OPCML: variants seen among roughly 807,000 people sequenced by gnomAD.
OPCML encodes the protein opioid-binding protein/cell adhesion molecule.
A neutral mutation model predicts 37.8 loss-of-function variants in OPCML; 13 were observed. The observed-to-expected ratio is 0.34, with a 90% CI of 0.22 to 0.55. The LOEUF (loss-of-function observed/expected upper bound fraction) is 0.55, where lower values mean the gene tolerates loss of function less well. OPCML is among the 20% of genes least tolerant of loss of function. The pLI, the probability that OPCML is intolerant of heterozygous loss-of-function variation, is 0.91. For synonymous variants in OPCML, 176 were observed against 168.8 expected, an observed-to-expected ratio of 1.04 and a Z score of -0.33; for missense variants, 341 against 435.6, an observed-to-expected ratio of 0.78 and a Z score of 1.93.
At chr11:133,468,181 T>C (rs1169362294) in intron 1 of OPCML, among the ~76,000 whole-genome samples, 2 of 152,196 alleles carry the variant, frequency 1.3e-5, no homozygotes, top group Non-Finnish European at 2.9e-5. Context: ...TTGATGGCAA[T>C]GGCACGGTTT....
At chr11:133,122,605 T>C (rs972474201) in intron 1 of OPCML, among the ~76,000 whole-genome samples, 1 of 152,108 alleles carries the variant, frequency 6.6e-6, no homozygotes. Flanking sequence ...GTGGGGAGCA[T>C]GGAGAGTGTG....
intron 1 of OPCML, among the ~76,000 whole-genome samples, chr11:133,142,828 G>A (rs1187208623): frequency 6.6e-6 from 1 of 152,034 alleles, no homozygotes; most frequent in Non-Finnish European, 1.5e-5. Flanking sequence ...TTCCCCAAGT[G>A]CAAGGACTAT....
intron 2 of OPCML, among the ~76,000 whole-genome samples, chr11:132,838,406 T>C (rs2098246204): frequency 6.6e-6 from 1 of 152,176 alleles, no homozygotes; most frequent in African/African-American, 2.4e-5. Context: ...TTAAGAAAAG[T>C]AGTTCCAAAA....
intron 1 of OPCML, among the ~76,000 whole-genome samples, chr11:133,465,127 C>G (rs769502081): frequency 6.6e-5 from 10 of 152,186 alleles, no homozygotes; most frequent in Non-Finnish European, 1.3e-4. Flanking sequence ...GTCAGCAGAA[C>G]TTAATTCCTT....
chr11:133,295,594 A>G (rs1207164646), intron 1 of OPCML, among the ~76,000 whole-genome samples: 1 of 152,232 alleles, frequency 6.6e-6, no homozygotes, highest in East Asian at 1.9e-4. Flanking sequence ...ATTTTTTTCA[A>G]GTAAAAGCAA....
chr11:132,583,642 G>A (rs899968009), intron 3 of OPCML, among the ~76,000 whole-genome samples: 2 of 151,904 alleles, frequency 1.3e-5, no homozygotes, highest in Non-Finnish European at 2.9e-5. Flanking sequence ...TTGAAAGAGA[G>A]TTTTGCTCTT....
In OPCML at chr11:132,908,626, C is replaced by G. The variant is rs189737332; in HGVS notation, c.146+34300G>C. Among the ~76,000 whole-genome samples, 141 of 152,306 alleles carry G rather than the reference C, an allele frequency of 9.3e-4. 1 individual carries two copies. Among genetic ancestry groups the G allele is most frequent in the South Asian group, 4.1e-3 (20 of 4,820 alleles). ...GGAGACTTGGACAACAGTGTGGTCACCACCCCCGGATTGACCACAGCGCCA... is the reference window on the plus strand; with the variant it reads ...GGAGACTTGGACAACAGTGTGGTCAGCACCCCCGGATTGACCACAGCGCCA... On this transcript the variant is annotated intron_variant, in intron 2 of 7. Coordinates refer to ENST00000524381, the MANE Select transcript of OPCML (RefSeq NM_001012393.5).
intron 1 of OPCML, among the ~76,000 whole-genome samples, chr11:133,054,768 C>G (rs545934319): frequency 3.9e-5 from 6 of 152,118 alleles, no homozygotes; most frequent in African/African-American, 1.4e-4. Context: ...TTCCAAGTGG[C>G]GAGATCCTGT....
At chr11:132,942,795 G>T in intron 2 of OPCML, 131 bp downstream of exon 2, 1 of 1,167,174 alleles carries the variant, frequency 8.6e-7, no homozygotes, top group Non-Finnish European at 1.2e-6. Context: ...GCACGCAAGC[G>T]GGCGCCCCTC....
intron 2 of OPCML, among the ~76,000 whole-genome samples, chr11:132,889,500 C>T (rs1943561036): frequency 6.6e-6 from 1 of 152,222 alleles, no homozygotes; most frequent in African/African-American, 2.4e-5. Context: ...CATCTCTCAT[C>T]TCATTAGAAA....
intron 2 of OPCML, among the ~76,000 whole-genome samples, chr11:132,784,452 A>G (rs1028524085): frequency 1.3e-5 from 2 of 151,298 alleles, no homozygotes; most frequent in African/African-American, 4.9e-5. Context: ...AAGCCCTTCC[A>G]CTCCTCTGCC....
At chr11:132,729,119 A>C (rs547255571) in intron 2 of OPCML, among the ~76,000 whole-genome samples, 1 of 152,336 alleles carries the variant, frequency 6.6e-6, no homozygotes, top group East Asian at 1.9e-4. Flanking sequence ...GATGGAAGAG[A>C]GAAGTGTAGC....
At chr11:132,501,357 C>T (rs576322260) in intron 4 of OPCML, among the ~76,000 whole-genome samples, 1 of 152,186 alleles carries the variant, frequency 6.6e-6, no homozygotes, top group South Asian at 2.1e-4. Context: ...AAAGCAATTG[C>T]AACAGAAGCC....
intron 2 of OPCML, among the ~76,000 whole-genome samples, chr11:132,898,042 G>A (rs1178784314): frequency 1.3e-5 from 2 of 152,242 alleles, no homozygotes; most frequent in Non-Finnish European, 2.9e-5. Flanking sequence ...AGTGGGCTCA[G>A]GAACAAAGTG....
At chr11:133,488,596 A>G (rs1947583805) in intron 1 of OPCML, among the ~76,000 whole-genome samples, 2 of 152,188 alleles carry the variant, frequency 1.3e-5, no homozygotes. Flanking sequence ...CATAGATGAC[A>G]CTAATAAATG....
intron 3 of OPCML, among the ~76,000 whole-genome samples, chr11:132,558,869 G>C (rs1426851877): frequency 6.6e-6 from 1 of 151,926 alleles, no homozygotes; most frequent in Non-Finnish European, 1.5e-5. Context: ...TTCTATGTGG[G>C]TGATATGGGC....
intron 3 of OPCML, among the ~76,000 whole-genome samples, chr11:132,629,909 T>G (rs1040678770): frequency 2.0e-5 from 3 of 152,234 alleles, no homozygotes; most frequent in Non-Finnish European, 4.4e-5. Flanking sequence ...GAAATCTAGA[T>G]GTAAAAATTG....
intron 3 of OPCML, among the ~76,000 whole-genome samples, chr11:132,641,955 A>G (rs1433809257): frequency 1.3e-5 from 2 of 152,208 alleles, no homozygotes; most frequent in Non-Finnish European, 2.9e-5. Context: ...AGATGTGTGT[A>G]CCACAGCTAC....
intron 2 of OPCML, among the ~76,000 whole-genome samples, chr11:132,659,805 C>T (rs958299845): frequency 1.3e-5 from 2 of 152,200 alleles, no homozygotes; most frequent in African/African-American, 4.8e-5. Context: ...CAGGAACTAA[C>T]TCTTTTTCTA....
Sources: allele counts gnomAD v4.1 joint callset (sites outside exome capture counted in the v4.1 genomes callset), GRCh38; gene constraint gnomAD v4.1.1; transcripts MANE v1.5; gene names NCBI Gene and HGNC (gene_info 2026-07-23, HGNC 2026-07-21).